PITPNC1: variants seen among roughly 807,000 people sequenced by gnomAD.
PITPNC1 encodes cytoplasmic phosphatidylinositol transfer protein 1.
PITPNC1 carries 18 observed loss-of-function variants against 44.7 expected under a neutral mutation model. That is an observed-to-expected ratio of 0.40 (90% confidence interval 0.28 to 0.60). The LOEUF (loss-of-function observed/expected upper bound fraction) is 0.60, where lower values mean the gene tolerates loss of function less well. Among genes scored for constraint, PITPNC1 ranks in the 20% least tolerant of loss-of-function variants. The pLI is 0.39. For missense variants in PITPNC1, 290 were observed against 418.4 expected (o/e 0.69, Z 2.68); for synonymous variants, 141 against 149.6 (o/e 0.94, Z 0.42).
At position 67,458,432 on chromosome 17, in the gene PITPNC1, C is replaced by T. The variant is rs1042702039; in HGVS notation, c.49-74370C>T. On this transcript the variant is annotated intron_variant, in intron 1 of 8. Transcript: ENST00000581322. ...GATCTGTCTTCCATTTTACTGAATT[C>T]TCTCTTCATTTCTGTCTAATCTACT... 2.0e-5 allele frequency among the ~76,000 whole-genome samples: 3 copies of T among 152,082 alleles called. 1 individual carries two copies. Among genetic ancestry groups the T allele is most frequent in the Non-Finnish European group, 2.9e-5 (2 of 68,030 alleles).
intron 5 of PITPNC1, among the ~76,000 whole-genome samples, chr17:67,588,688 C>T (rs999139263): frequency 3.9e-5 from 6 of 152,116 alleles, no homozygotes; most frequent in South Asian, 2.1e-4. Flanking sequence ...CGGCCAAGGT[C>T]GGGGACAACT....
chr17:67,511,655 C>T (rs2040186355), intron 1 of PITPNC1, among the ~76,000 whole-genome samples: 1 of 151,968 alleles, frequency 6.6e-6, no homozygotes. Flanking sequence ...ATTACAGGCA[C>T]TCACCACCAC....
In PITPNC1 at chr17:67,581,525, C is replaced by T. The variant is rs147234975; in HGVS notation, c.366+3268C>T. On this transcript the variant is annotated intron_variant, in intron 5 of 8. Transcript: ENST00000581322. ...CTGCCATCTTGTTACACTAAAGAGG[C>T]CCTAAATGTGTTTTTGGCCCAGTTG... Among the ~76,000 whole-genome samples the T allele has an allele frequency of 1.1e-3, 167 of 152,274 alleles. 3 individuals carry two copies. In the East Asian group the frequency reaches 0.021, roughly 19 times the overall value.
intron 5 of PITPNC1, among the ~76,000 whole-genome samples, chr17:67,595,729 A>G (rs2041451944): frequency 6.6e-6 from 1 of 152,108 alleles, no homozygotes; most frequent in Admixed American, 6.6e-5. Flanking sequence ...TTTAAATCCT[A>G]TTTCTCCACT....
intron 1 of PITPNC1, chr17:67,471,464 G>C (rs758702623): frequency 2.8e-6 from 1 of 357,312 alleles, no homozygotes; most frequent in Non-Finnish European, 5.3e-6. Flanking sequence ...TCATTTGAGA[G>C]ATTTTTTTCC....
intron 1 of PITPNC1, among the ~76,000 whole-genome samples, chr17:67,387,590 C>G (rs1032382165): frequency 2.0e-5 from 3 of 152,150 alleles, no homozygotes; most frequent in African/African-American, 7.2e-5. Context: ...TGCTTGAACC[C>G]GGGAGGTGGA....
intron 7 of PITPNC1, among the ~76,000 whole-genome samples, chr17:67,671,146 A>G (rs967620589): frequency 9.9e-5 from 15 of 152,114 alleles, no homozygotes; most frequent in Non-Finnish European, 8.8e-5. Context: ...TCGGCCTCCC[A>G]AAGTGCTGGG....
chr17:67,562,060 G>A (rs1054663366), intron 4 of PITPNC1, among the ~76,000 whole-genome samples: 8 of 152,268 alleles, frequency 5.3e-5, no homozygotes, highest in East Asian at 1.9e-4. Flanking sequence ...CCTGAATTTC[G>A]TTTCCCTGCA....
At chr17:67,425,203 GCACACACACACACACACACACACACA>G (rs60705271) in intron 1 of PITPNC1, among the ~76,000 whole-genome samples, 1,402 of 98,672 alleles carry the variant, frequency 0.014, 101 homozygotes, top group South Asian at 0.035. Context: ...GCACGCACAC[GCACACACACACACACACACACACACA>G]CACACACACA....
At chr17:67,446,339 TC>T in intron 1 of PITPNC1, among the ~76,000 whole-genome samples, 1 of 151,966 alleles carries the variant, frequency 6.6e-6, no homozygotes, top group African/African-American at 2.4e-5. Context: ...TTCAGGACTT[TC>T]TAAAATTAAG....
intron 5 of PITPNC1, among the ~76,000 whole-genome samples, chr17:67,601,587 C>T (rs28472927): frequency 6.8e-6 from 1 of 146,984 alleles, no homozygotes; most frequent in South Asian, 2.2e-4. Context: ...CCCATCTCTA[C>T]AAAAAAAAAA....
At chr17:67,498,515 A>G (rs2039985427) in intron 1 of PITPNC1, among the ~76,000 whole-genome samples, 1 of 152,186 alleles carries the variant, frequency 6.6e-6, no homozygotes, top group Admixed American at 6.5e-5. Flanking sequence ...TGGGTGTGCA[A>G]ATATCTCTTT....
chr17:67,628,237 A>G (rs944068336), intron 5 of PITPNC1, among the ~76,000 whole-genome samples: 2 of 151,208 alleles, frequency 1.3e-5, no homozygotes, highest in African/African-American at 2.4e-5. Flanking sequence ...TGCAGCACAT[A>G]CTCCATTCTG....
At chr17:67,634,459 C>T (rs1436578027) in intron 6 of PITPNC1, among the ~76,000 whole-genome samples, 1 of 151,852 alleles carries the variant, frequency 6.6e-6, no homozygotes, top group Non-Finnish European at 1.5e-5. Flanking sequence ...GGGAGGCTGA[C>T]GCATGAGAAT....
At chr17:67,680,457 A>G (rs1452615082) in intron 8 of PITPNC1, among the ~76,000 whole-genome samples, 3 of 152,184 alleles carry the variant, frequency 2.0e-5, no homozygotes, top group South Asian at 2.1e-4. Context: ...AAAGTTAGCT[A>G]GGCGTGGTTG....
chr17:67,413,480 C>T (rs577502874), intron 1 of PITPNC1, among the ~76,000 whole-genome samples: 3 of 127,848 alleles, frequency 2.3e-5, no homozygotes, highest in South Asian at 5.0e-4. Flanking sequence ...TGGGGCTTCT[C>T]GCTATGCTCA....
intron 1 of PITPNC1, among the ~76,000 whole-genome samples, chr17:67,421,498 G>T (rs973014503): frequency 2.0e-5 from 3 of 152,136 alleles, no homozygotes; most frequent in African/African-American, 7.2e-5. Context: ...GCCCAGGCTG[G>T]TCTTGAACTC....
At chr17:67,675,942 C>G (rs1056505780) in intron 8 of PITPNC1, among the ~76,000 whole-genome samples, 4 of 152,218 alleles carry the variant, frequency 2.6e-5, no homozygotes, top group Non-Finnish European at 4.4e-5. Flanking sequence ...CGCAGTGGCT[C>G]ACGCCTGTAA....
At chr17:67,392,569 C>A (rs56855081) in intron 1 of PITPNC1, among the ~76,000 whole-genome samples, 1 of 151,916 alleles carries the variant, frequency 6.6e-6, no homozygotes, top group Non-Finnish European at 1.5e-5. Flanking sequence ...AAATTTAACA[C>A]GATTATTATT....
Sources: allele counts gnomAD v4.1 joint callset (sites outside exome capture counted in the v4.1 genomes callset), GRCh38; gene constraint gnomAD v4.1.1; transcripts MANE v1.5; gene names NCBI Gene and HGNC (gene_info 2026-07-23, HGNC 2026-07-21).